TRIM36: variants seen among roughly 807,000 people sequenced by gnomAD.
TRIM36 encodes E3 ubiquitin-protein ligase TRIM36.
TRIM36 carries 42 observed loss-of-function variants against 72.4 expected under a neutral mutation model. That is an observed-to-expected ratio of 0.58 (90% CI 0.45 to 0.75). TRIM36 has a LOEUF of 0.75. TRIM36 is among the 30% of genes least tolerant of loss of function. TRIM36 has a pLI of 0.00. For missense variants in TRIM36, 913 were observed against 857.1 expected (o/e 1.07, Z -0.81); for synonymous variants, 315 against 282.8 (o/e 1.11, Z -1.14).
At chr5:115,178,599 G>A (rs1755458035) in intron 1 of TRIM36, among the ~76,000 whole-genome samples, 1 of 152,214 alleles carries the variant, frequency 6.6e-6, no homozygotes, top group Admixed American at 6.5e-5. Flanking sequence ...GGGCGACAAA[G>A]AGCTCGGATA....
At chr5:115,145,987 G>C (rs927771158) in intron 3 of TRIM36, among the ~76,000 whole-genome samples, 2 of 152,116 alleles carry the variant, frequency 1.3e-5, no homozygotes, top group African/African-American at 4.8e-5. Context: ...CTAACTACTT[G>C]AAAAATGAAA....
chr5:115,169,244 G>T (rs1378306233), intron 1 of TRIM36, among the ~76,000 whole-genome samples: 6 of 152,220 alleles, frequency 3.9e-5, no homozygotes, highest in Non-Finnish European at 8.8e-5. Context: ...CCGCAAGCGC[G>T]AGGGACGCGC....
At chr5:115,168,259 ATTT>A (rs1210491830) in intron 1 of TRIM36, among the ~76,000 whole-genome samples, 3 of 152,204 alleles carry the variant, frequency 2.0e-5, no homozygotes, top group Non-Finnish European at 4.4e-5. Flanking sequence ...GCCTTTCATT[ATTT>A]TAAGTGAGAA....
intron 7 of TRIM36, among the ~76,000 whole-genome samples, chr5:115,135,011 T>G (rs1752888803): frequency 6.6e-6 from 1 of 152,226 alleles, no homozygotes. Flanking sequence ...AACCTTTTTG[T>G]ATAGATCTCG....
intron 6 of TRIM36, 96 bp downstream of exon 6, chr5:115,137,267 C>A (rs1753011579): frequency 6.7e-7 from 1 of 1,502,998 alleles, no homozygotes; most frequent in Admixed American, 2.3e-5. Context: ...CACATTAACA[C>A]AGCATTATGG....
intron 9 of TRIM36, among the ~76,000 whole-genome samples, chr5:115,127,171 T>G (rs190159241): frequency 6.6e-6 from 1 of 152,348 alleles, no homozygotes; most frequent in East Asian, 1.9e-4. Context: ...TGTTAAATTT[T>G]TATAGCACAC....
rs114612030 is a variant in TRIM36, at chr5:115,140,213, T to G, written c.831+1066A>C. 7.3e-3 allele frequency among the ~76,000 whole-genome samples: 1,107 copies of G among 152,278 alleles called. 22 individuals carry two copies. Among genetic ancestry groups the G allele is most frequent in the African/African-American group, 0.024 (997 of 41,562 alleles). On this transcript the variant is annotated intron_variant, in intron 5 of 9. Transcript: ENST00000513154. ...TTTCAACCTATATTGGAAAAAAACT[T>G]CTTCAAGTAACAGTGTCATACTAGC...
At chr5:115,154,709 A>T (rs1754082759) in intron 2 of TRIM36, among the ~76,000 whole-genome samples, 1 of 152,212 alleles carries the variant, frequency 6.6e-6, no homozygotes, top group African/African-American at 2.4e-5. Context: ...TTATCAACAA[A>T]AAAAGTCCAG....
Position 115,147,257 on chromosome 5 carries a change from G to T in TRIM36, c.400C>A (p.Arg134Ser). Residue 134 changes from arginine (R) to serine (S), a missense_variant, in exon 3 of 10, where the codon CGT becomes AGT. Coordinates refer to ENST00000513154, the MANE Select transcript of TRIM36 (RefSeq NM_001300759.2). ...GCTGTGGCTGCCCTAGCTGCTTGACGATATCTTTCCACAATAGTTTCCAAA... is the reference window on the plus strand; with the variant it reads ...GCTGTGGCTGCCCTAGCTGCTTGACTATATCTTTCCACAATAGTTTCCAAA... Reference protein sequence around the residue: ...FTLETIVERYRQAARAATAIM... With the variant: ...FTLETIVERYSQAARAATAIM... 1 of 1,614,158 alleles carries T rather than the reference G, an allele frequency of 6.2e-7. No homozygotes were observed. Among genetic ancestry groups the T allele is most frequent in the Non-Finnish European group, 8.5e-7 (1 of 1,180,030 alleles).
At chr5:115,165,539 G>T (rs1267226634) in intron 1 of TRIM36, among the ~76,000 whole-genome samples, 1 of 152,180 alleles carries the variant, frequency 6.6e-6, no homozygotes, top group Non-Finnish European at 1.5e-5. Context: ...GCCACAACTG[G>T]TACTGGAACA....
At chr5:115,173,134 A>G (rs1269610455), upstream of TRIM36, among the ~76,000 whole-genome samples, 6 of 152,156 alleles carry the variant, frequency 3.9e-5, no homozygotes, top group African/African-American at 1.4e-4. Context: ...TCTCTGTTTC[A>G]GCATCGAAAT....
chr5:115,158,687 T>C (rs938081285), intron 2 of TRIM36, among the ~76,000 whole-genome samples: 2 of 152,264 alleles, frequency 1.3e-5, no homozygotes, highest in South Asian at 4.1e-4. Context: ...ATTTACCTTT[T>C]GGGTATTATA....
chr5:115,148,415 CTTTTTTT>C (rs146223001), intron 2 of TRIM36: 9 of 507,798 alleles, frequency 1.8e-5, no homozygotes, highest in East Asian at 2.2e-4. Context: ...TAAATCTGTT[CTTTTTTT>C]TTTTTTTTTT....
intron 7 of TRIM36, 25 bp downstream of exon 7, chr5:115,136,975 G>A: frequency 6.5e-7 from 1 of 1,543,370 alleles, no homozygotes; most frequent in South Asian, 1.3e-5. Flanking sequence ...AAAAGAATGA[G>A]GTTTTTGCCT....
chr5:115,150,649 C>G (rs887791351), intron 2 of TRIM36, among the ~76,000 whole-genome samples: 1 of 152,156 alleles, frequency 6.6e-6, no homozygotes, highest in South Asian at 2.1e-4. Context: ...CTGAGAGGAC[C>G]CACAGGCCCC....
intron 2 of TRIM36, among the ~76,000 whole-genome samples, chr5:115,152,550 A>G (rs1753950505): frequency 2.6e-5 from 4 of 152,210 alleles, no homozygotes; most frequent in African/African-American, 9.6e-5. Flanking sequence ...CAAAAAGATC[A>G]CTGCCCAGGA....
chr5:115,170,990 G>A, upstream of TRIM36: 1 of 1,463,042 alleles, frequency 6.8e-7, no homozygotes, highest in Non-Finnish European at 9.4e-7. Context: ...ATTAGATCAC[G>A]CACTGCCTTT....
At chr5:115,159,811 G>A in intron 2 of TRIM36, 3 of 367,306 alleles carry the variant, frequency 8.2e-6, no homozygotes, top group East Asian at 7.7e-5. Flanking sequence ...TGTTTTTCCT[G>A]GTACACATAG....
intron 2 of TRIM36, among the ~76,000 whole-genome samples, chr5:115,158,783 T>C (rs1043008184): frequency 6.6e-6 from 1 of 152,218 alleles, no homozygotes; most frequent in African/African-American, 2.4e-5. Flanking sequence ...AGCAAACTGC[T>C]CCTATCTTTC....
Sources: gnomAD v4.1 joint callset for allele counts (sites outside exome capture counted in the v4.1 genomes callset) on GRCh38, gnomAD v4.1.1 for gene constraint, MANE v1.5 for transcripts, NCBI Gene and HGNC (gene_info 2026-07-23, HGNC 2026-07-21) for gene names.